ZNF407: variants seen among roughly 807,000 people sequenced by gnomAD.
The protein encoded by ZNF407 is zinc finger protein 407.
Under a neutral mutation model 131.2 loss-of-function variants are expected in ZNF407, and 17 were observed. That is an observed-to-expected ratio of 0.13 (90% CI 0.09 to 0.19). ZNF407 has a LOEUF of 0.19. ZNF407 is among the 10% of genes least tolerant of loss of function. The pLI is 1.00. For synonymous variants in ZNF407, 1,156 were observed against 1,062.0 expected (o/e 1.09, Z -1.72); for missense variants, 2,681 against 2,830.6 (o/e 0.95, Z 1.20).
intron 8 of ZNF407, among the ~76,000 whole-genome samples, chr18:75,001,121 C>T (rs1307057398): frequency 2.6e-5 from 4 of 152,140 alleles, no homozygotes; most frequent in Non-Finnish European, 5.9e-5. Flanking sequence ...CGGAGCCCAG[C>T]CTCCGCAGTG....
At position 74,764,034 on chromosome 18, in the gene ZNF407, A is replaced by G. The variant is rs115914672; in HGVS notation, c.4803-17394A>G. 3.2e-3 allele frequency among the ~76,000 whole-genome samples: 485 copies of G among 151,040 alleles called. 6 individuals carry two copies. Among genetic ancestry groups the G allele is most frequent in the African/African-American group, 0.011 (456 of 41,160 alleles). ...GGCCATCTTTGATCTTTTGTATATAACATGTCTTTTTTCTCTCTTTTTTTT... is the reference window on the plus strand; with the variant it reads ...GGCCATCTTTGATCTTTTGTATATAGCATGTCTTTTTTCTCTCTTTTTTTT... On this transcript the variant is annotated intron_variant, in intron 3 of 8. Transcript: ENST00000299687.
At position 74,817,934 on chromosome 18, in the gene ZNF407, C is replaced by T. The variant is rs1258637936; in HGVS notation, c.4877+36432C>T. On this transcript the variant is annotated intron_variant, in intron 4 of 8. Transcript: ENST00000299687. ...GAGTGAGGTAGAATGGGTTGGTTAT[C>T]TGCACTCTAGCGGCCCTTCATAGCT... 2.0e-5 allele frequency among the ~76,000 whole-genome samples: 3 copies of T among 152,208 alleles called. No homozygotes were observed. The South Asian group carries it at 6.2e-4, about 31-fold the overall frequency.
At position 74,728,866 on chromosome 18, in the gene ZNF407, G is replaced by T. The variant is rs149640434; in HGVS notation, c.4803-52562G>T. Among the ~76,000 whole-genome samples, 54 of 152,290 alleles carry T rather than the reference G, an allele frequency of 3.5e-4. 1 individual carries two copies. Among genetic ancestry groups the T allele is most frequent in the Admixed American group, 1.7e-3 (26 of 15,288 alleles). The stretch of plus-strand genomic sequence containing the variant: ...GAAGTTGAAAGAGAACCACTTAAGT[G>T]CCTGGGGAATTTTAGAGACTAAACA... On this transcript the variant is annotated intron_variant, in intron 3 of 8. Transcript: ENST00000299687.
At chr18:74,940,752 C>T (rs375720326) in intron 8 of ZNF407, among the ~76,000 whole-genome samples, 3 of 152,326 alleles carry the variant, frequency 2.0e-5, no homozygotes, top group African/African-American at 7.2e-5. Flanking sequence ...CTGCTCCTGT[C>T]TGCGGCGCAC....
In ZNF407 at chr18:74,839,550, A is replaced by G. The variant is rs533047226; in HGVS notation, c.4878-37647A>G. On this transcript the variant is annotated intron_variant, in intron 4 of 8. Transcript: ENST00000299687. Reference sequence around the variant, plus strand: ...TGAGAATGTCCCTCTCTTCAAGGCAACTGATTTCAGCTGTTAGCACATCTA... The same window carrying G: ...TGAGAATGTCCCTCTCTTCAAGGCAGCTGATTTCAGCTGTTAGCACATCTA... Among the ~76,000 whole-genome samples, 103 of 152,314 alleles carry G rather than the reference A, an allele frequency of 6.8e-4. 1 individual carries two copies. Among genetic ancestry groups the G allele is most frequent in the Middle Eastern group, 3.4e-3 (1 of 294 alleles).
chr18:74,695,950 C>T (rs1252426317), intron 3 of ZNF407, among the ~76,000 whole-genome samples: 2 of 152,186 alleles, frequency 1.3e-5, no homozygotes, highest in Non-Finnish European at 2.9e-5. Flanking sequence ...GTCTTCCAGT[C>T]AGGATTTCCT....
chr18:74,824,849 C>T (rs1476937209), intron 4 of ZNF407, among the ~76,000 whole-genome samples: 1 of 152,172 alleles, frequency 6.6e-6, no homozygotes, highest in South Asian at 2.1e-4. Flanking sequence ...GGGAATCCTC[C>T]CTAATTCATT....
At chr18:74,675,138 G>C (rs1392095262) in intron 3 of ZNF407, among the ~76,000 whole-genome samples, 2 of 152,132 alleles carry the variant, frequency 1.3e-5, no homozygotes, top group African/African-American at 4.8e-5. Flanking sequence ...GTCCCTTGAA[G>C]TTGCCAAGCA....
chr18:74,858,664 T>C (rs1433251453), intron 4 of ZNF407, among the ~76,000 whole-genome samples: 1 of 152,246 alleles, frequency 6.6e-6, no homozygotes. Context: ...TTCAGTCATC[T>C]TCCACTTTTC....
intron 8 of ZNF407, among the ~76,000 whole-genome samples, chr18:75,032,854 G>A (rs1973259102): frequency 6.8e-6 from 1 of 146,042 alleles, no homozygotes; most frequent in Non-Finnish European, 1.5e-5. Flanking sequence ...CTCGGAATGG[G>A]GGGAAGATAG....
At chr18:75,009,785 TA>T (rs1972952864) in intron 8 of ZNF407, among the ~76,000 whole-genome samples, 1 of 152,220 alleles carries the variant, frequency 6.6e-6, no homozygotes. Flanking sequence ...GATTTGAACC[TA>T]TTCAGGTTGA....
chr18:74,988,648 TA>T (rs561159882), intron 8 of ZNF407, among the ~76,000 whole-genome samples: 11 of 150,754 alleles, frequency 7.3e-5, no homozygotes, highest in East Asian at 1.9e-4. Context: ...ATAATAATAA[TA>T]AAAAAAATAA....
chr18:74,978,703 A>G (rs1006458945), intron 8 of ZNF407, among the ~76,000 whole-genome samples: 3 of 151,918 alleles, frequency 2.0e-5, no homozygotes, highest in African/African-American at 7.3e-5. Context: ...TGTGATACAG[A>G]TGGAACATCC....
At chr18:74,615,781 CA>C (rs1394476118) in intron 1 of ZNF407, among the ~76,000 whole-genome samples, 1 of 152,086 alleles carries the variant, frequency 6.6e-6, no homozygotes, top group Admixed American at 6.5e-5. Flanking sequence ...TGAAGGGGGC[CA>C]CTGTTCATGT....
chr18:74,791,715 T>G (rs1235087610), intron 4 of ZNF407, among the ~76,000 whole-genome samples: 3 of 152,168 alleles, frequency 2.0e-5, no homozygotes, highest in Non-Finnish European at 4.4e-5. Flanking sequence ...TCTTACCACT[T>G]AGAATGCTGA....
chr18:75,051,454 T>A (rs1331414702), intron 8 of ZNF407, among the ~76,000 whole-genome samples: 1 of 152,200 alleles, frequency 6.6e-6, no homozygotes, highest in African/African-American at 2.4e-5. Context: ...GTGAAATAGA[T>A]CATTGCCTTT....
At chr18:74,625,763 CTTAGATA>C (rs1271771300) in intron 1 of ZNF407, among the ~76,000 whole-genome samples, 1 of 152,152 alleles carries the variant, frequency 6.6e-6, no homozygotes, top group Non-Finnish European at 1.5e-5. Context: ...TCTGTAAATA[CTTAGATA>C]TTAGACATTT....
At chr18:74,920,875 T>C (rs1382633996) in intron 8 of ZNF407, 183 bp downstream of exon 8, 3 of 1,252,932 alleles carry the variant, frequency 2.4e-6, no homozygotes, top group Admixed American at 4.0e-5. Flanking sequence ...AAAACAGGAC[T>C]TTTCAACTGT....
At chr18:74,756,487 T>C (rs1458611536) in intron 3 of ZNF407, among the ~76,000 whole-genome samples, 3 of 152,214 alleles carry the variant, frequency 2.0e-5, no homozygotes, top group Admixed American at 2.0e-4. Context: ...CTTCTGCTTC[T>C]TGTAGTGAAG....
Sources: gnomAD v4.1 joint callset for allele counts (sites outside exome capture counted in the v4.1 genomes callset) on GRCh38, gnomAD v4.1.1 for gene constraint, MANE v1.5 for transcripts, NCBI Gene and HGNC (gene_info 2026-07-23, HGNC 2026-07-21) for gene names.